Variants in OXTR observed in about 807,000 individuals in gnomAD.
OXTR encodes the protein oxytocin receptor.
Under a neutral mutation model 23.9 loss-of-function variants are expected in OXTR, and 19 were observed. The ratio of observed to expected loss-of-function variants is 0.80; its 90% CI spans 0.56 to 1.17. OXTR has a LOEUF of 1.17. OXTR is among the 50% of genes most tolerant of loss of function. OXTR has a pLI of 0.00. For synonymous variants in OXTR, 278 were observed against 250.5 expected, an observed-to-expected ratio of 1.11 and a Z score of -1.04; for missense variants, 500 against 550.7, an observed-to-expected ratio of 0.91 and a Z score of 0.92.
chr3:8,766,075 G>C (rs1264160475), intron 3 of OXTR, among the ~76,000 whole-genome samples: 1 of 152,224 alleles, frequency 6.6e-6, no homozygotes, highest in Non-Finnish European at 1.5e-5. Context: ...GCAGTGTCTG[G>C]AGTGCAGAAA....
chr3:8,761,163 G>T (rs189196623), intron 3 of OXTR, among the ~76,000 whole-genome samples: 5 of 152,208 alleles, frequency 3.3e-5, no homozygotes, highest in Non-Finnish European at 7.3e-5. Flanking sequence ...TGAAAAAATC[G>T]TGCTCTAAAC....
intron 3 of OXTR, among the ~76,000 whole-genome samples, chr3:8,766,502 C>G (rs1708611331): frequency 6.6e-6 from 1 of 152,128 alleles, no homozygotes; most frequent in Admixed American, 6.5e-5. Context: ...CAGCCTCCCC[C>G]TCAAACTTGA....
At chr3:8,757,776 G>A (rs938959104) in intron 3 of OXTR, among the ~76,000 whole-genome samples, 1 of 152,168 alleles carries the variant, frequency 6.6e-6, no homozygotes, top group Non-Finnish European at 1.5e-5. Context: ...CTCCGCGGGG[G>A]CCGCTGGCCT....
At chr3:8,745,705 C>T, downstream of OXTR, 2 of 1,614,192 alleles carry the variant, frequency 1.2e-6, no homozygotes, top group Non-Finnish European at 1.7e-6. The surrounding 1 kb of genome is among the most constrained non-coding windows in gnomAD (Gnocchi z 4.8). Flanking sequence ...TCTCCTTCTG[C>T]CACATCTGGG....
intron 3 of OXTR, among the ~76,000 whole-genome samples, chr3:8,754,019 G>A (rs1283258140): frequency 2.0e-5 from 3 of 152,174 alleles, no homozygotes; most frequent in Admixed American, 6.5e-5. Context: ...GCGTGGCAGC[G>A]AGAAACTGTA....
At chr3:8,760,662 T>G (rs1212986456) in intron 3 of OXTR, among the ~76,000 whole-genome samples, 3 of 152,164 alleles carry the variant, frequency 2.0e-5, no homozygotes, top group Admixed American at 6.5e-5. Context: ...GTAAAAGGCA[T>G]CCCCTGGAGT....
At chr3:8,748,716 C>G (rs777194968), downstream of OXTR, among the ~76,000 whole-genome samples, 33 of 152,330 alleles carry the variant, frequency 2.2e-4, no homozygotes, top group East Asian at 3.9e-4. Context: ...AGAACAAAAT[C>G]AAGGTGTTCA....
At chr3:8,743,991 C>T in the OXTR span, among the ~76,000 whole-genome samples, 7 of 152,102 alleles carry the variant, frequency 4.6e-5, no homozygotes, top group South Asian at 2.1e-4. Context: ...ATAACCAAGG[C>T]GGGAAAGGGA....
rs769955516 is a variant in OXTR, at chr3:8,767,494, G to T, written c.694C>A (p.Arg232=). The change falls in exon 3 of 4, where the codon CGG becomes AGG. Residue 232 remains arginine, a synonymous_variant. Transcript: ENST00000316793. ...GCCGCCGCTGCAGCGGTCTTGAGCC[G>T]CAAGTTCTGCCAGATCTTGAAGCTG... The part of the protein sequence containing the change: ...LISFKIWQNL[R]LKTAAAAAAE... The T allele has an allele frequency of 6.2e-7, 1 of 1,610,098 alleles. No individual in the cohort carries two copies. Among genetic ancestry groups the T allele is most frequent in the East Asian group, 2.2e-5 (1 of 44,730 alleles).
downstream of OXTR, among the ~76,000 whole-genome samples, chr3:8,748,347 C>A (rs1206709633): frequency 6.6e-6 from 1 of 152,200 alleles, no homozygotes; most frequent in East Asian, 1.9e-4. Flanking sequence ...TCAGGGACAT[C>A]ATACATGATG....
chr3:8,763,160 T>C (rs1344170188), intron 3 of OXTR, among the ~76,000 whole-genome samples: 1 of 152,068 alleles, frequency 6.6e-6, no homozygotes, highest in African/African-American at 2.4e-5. Context: ...CAAGCTTCTC[T>C]CCCACCTCCC....
intron 3 of OXTR, among the ~76,000 whole-genome samples, chr3:8,758,252 C>T (rs893736281): frequency 6.6e-6 from 1 of 152,152 alleles, no homozygotes; most frequent in Non-Finnish European, 1.5e-5. Context: ...TCCCGGCACT[C>T]TCTCCACCCC....
the OXTR span, among the ~76,000 whole-genome samples, chr3:8,744,131 A>G: frequency 6.6e-6 from 1 of 152,144 alleles, no homozygotes; most frequent in Non-Finnish European, 1.5e-5. Flanking sequence ...GAGCACTGCT[A>G]GAAAGAAAAC....
rs566823219 is a variant in OXTR, at chr3:8,758,512, C to T, written c.923-5288G>A. On this transcript the variant is annotated intron_variant, in intron 3 of 3. Coordinates refer to ENST00000316793, the MANE Select transcript of OXTR (RefSeq NM_000916.4). ...AGTCCCTCATTCCTACAGGACTGTG[C>T]GGGCATCTGGGAACAAAACTATGGA... Among the ~76,000 whole-genome samples, 3 of 152,256 alleles carry T rather than the reference C, an allele frequency of 2.0e-5. No homozygotes were observed. In the South Asian group the frequency reaches 6.2e-4, roughly 32 times the overall value.
Position 8,767,631 on chromosome 3 carries a change from T to G in OXTR, c.557A>C (p.Asp186Ala). Residue 186 changes from aspartate (D) to alanine (A), a missense_variant, in exon 3 of 4, where the codon GAC becomes GCC. Physicochemically the swap from Asp to Ala is moderately radical, Grantham distance 126 (BLOSUM62 -2). Transcript: ENST00000316793. The stretch of plus-strand genomic sequence containing the variant: ...GGGCTGGATGAAGACGGCCCAGCAG[T>G]CGAAGACGCCGTCAGCCACCTCGCG... ...SLREVADGVF[D>A]CWAVFIQPWG... is the part of the protein sequence containing the mutation. 2 of 1,612,944 alleles carry G rather than the reference T, an allele frequency of 1.2e-6. No homozygotes were observed. The highest frequency in any genetic ancestry group is 1.7e-6 in the Non-Finnish European group (2 of 1,179,682).
chr3:8,764,054 T>C (rs7652281), intron 3 of OXTR, among the ~76,000 whole-genome samples: 29,006 of 152,160 alleles, frequency 0.19, 3,503 homozygotes, highest in Middle Eastern at 0.34. Flanking sequence ...CAGCCCTTGG[T>C]ATTTGTGAAG....
Position 8,767,492 on chromosome 3 carries a change from C to T in OXTR, c.696G>A (p.Arg232=), listed in dbSNP as rs752052683. The T allele has an allele frequency of 2.5e-6, 4 of 1,610,296 alleles. No individual in the cohort carries two copies. In the South Asian group the frequency reaches 3.3e-5, roughly 13 times the overall value. The change falls in exon 3 of 4, where the codon CGG becomes CGA. Residue 232 remains arginine (R), a synonymous_variant. Coordinates refer to ENST00000316793, the MANE Select transcript of OXTR (RefSeq NM_000916.4). ...CCGCCGCCGCTGCAGCGGTCTTGAGCCGCAAGTTCTGCCAGATCTTGAAGC... is the reference window on the plus strand; with the variant it reads ...CCGCCGCCGCTGCAGCGGTCTTGAGTCGCAAGTTCTGCCAGATCTTGAAGC... ...LISFKIWQNL[R]LKTAAAAAAE... is the part of the protein sequence containing the mutation.
intron 3 of OXTR, among the ~76,000 whole-genome samples, chr3:8,761,979 T>G (rs150387747): frequency 5.8e-4 from 89 of 152,290 alleles, no homozygotes; most frequent in African/African-American, 2.0e-3. Context: ...GGCTCAGGTG[T>G]ACAGGGTCCG....
downstream of OXTR, among the ~76,000 whole-genome samples, chr3:8,749,544 C>T (rs530918840): frequency 6.6e-6 from 1 of 152,350 alleles, no homozygotes; most frequent in African/African-American, 2.4e-5. Context: ...ACTGCTGCTG[C>T]ATTTGCACCC....
Sources: gnomAD v4.1 joint callset for allele counts (sites outside exome capture counted in the v4.1 genomes callset) on GRCh38, gnomAD v4.1.1 for gene constraint, Gnocchi (gnomAD v3.1) non-coding constraint, MANE v1.5 for transcripts, NCBI Gene and HGNC (gene_info 2026-07-23, HGNC 2026-07-21) for gene names.